TENM3: variants seen among roughly 807,000 people sequenced by gnomAD.
The protein encoded by TENM3 is teneurin transmembrane protein 3, also known as teneurin-3.
In TENM3, 63 loss-of-function variants were observed where a neutral mutation model predicts 255.1. That is an observed-to-expected ratio of 0.25 (90% confidence interval 0.20 to 0.30). The LOEUF (loss-of-function observed/expected upper bound fraction) is 0.30, where lower values mean the gene tolerates loss of function less well. Among genes scored for constraint, TENM3 ranks in the 10% least tolerant of loss-of-function variants. The pLI is 1.00. For missense variants in TENM3, 2,929 were observed against 3,461.1 expected, an observed-to-expected ratio of 0.85 and a Z score of 3.86; for synonymous variants, 1,306 against 1,322.3, an observed-to-expected ratio of 0.99 and a Z score of 0.27.
At chr4:181,655,514 T>C in the TENM3 span, among the ~76,000 whole-genome samples, 2 of 152,174 alleles carry the variant, frequency 1.3e-5, no homozygotes, top group Non-Finnish European at 2.9e-5. Flanking sequence ...CCTGTTCACA[T>C]AGCCTACCAC....
chr4:182,353,046 C>T (rs1038659995), intron 3 of TENM3, among the ~76,000 whole-genome samples: 3 of 152,114 alleles, frequency 2.0e-5, no homozygotes, highest in Non-Finnish European at 2.9e-5. Context: ...ATGTCATGTA[C>T]TTGCGATCAT....
At chr4:182,331,677 T>G (rs1763764887) in intron 2 of TENM3, among the ~76,000 whole-genome samples, 1 of 152,064 alleles carries the variant, frequency 6.6e-6, no homozygotes, top group African/African-American at 2.4e-5. Context: ...ATATATTAGG[T>G]GAATACAAAC....
intron 3 of TENM3, among the ~76,000 whole-genome samples, chr4:182,589,446 ATT>A (rs367629189): frequency 0.042 from 5,466 of 129,350 alleles, 102 homozygotes; most frequent in Middle Eastern, 0.06. Flanking sequence ...TAGGTTTTTA[ATT>A]TTTTTTTTTT....
At chr4:181,955,271 C>G in the TENM3 span, among the ~76,000 whole-genome samples, 1 of 152,084 alleles carries the variant, frequency 6.6e-6, no homozygotes, top group African/African-American at 2.4e-5. Flanking sequence ...GAGGGGAAGG[C>G]AGAATTTAGT....
chr4:181,741,709 T>C, the TENM3 span, among the ~76,000 whole-genome samples: 16 of 152,270 alleles, frequency 1.1e-4, no homozygotes, highest in African/African-American at 3.8e-4. Context: ...TGGGGCCTAG[T>C]CAGCACTAGG....
At chr4:181,691,739 C>T in the TENM3 span, among the ~76,000 whole-genome samples, 3 of 152,212 alleles carry the variant, frequency 2.0e-5, no homozygotes, top group East Asian at 5.8e-4. Flanking sequence ...ATTTTATTTG[C>T]AATTAATAAG....
chr4:181,620,674 AAAAG>A, the TENM3 span, among the ~76,000 whole-genome samples: 25 of 152,102 alleles, frequency 1.6e-4, no homozygotes, highest in African/African-American at 5.3e-4. Context: ...AAAAAAAAAA[AAAAG>A]AAAAAGAGGA....
the TENM3 span, among the ~76,000 whole-genome samples, chr4:181,840,277 A>G: frequency 1.3e-5 from 2 of 152,070 alleles, no homozygotes; most frequent in Admixed American, 6.6e-5. Flanking sequence ...ACATTTTAGT[A>G]TACTTATTTA....
chr4:182,448,245 G>A (rs1312770079), intron 3 of TENM3, among the ~76,000 whole-genome samples: 1 of 152,234 alleles, frequency 6.6e-6, no homozygotes, highest in Non-Finnish European at 1.5e-5. Flanking sequence ...GGCCGAGAAA[G>A]TGGCGGAGAG....
the TENM3 span, among the ~76,000 whole-genome samples, chr4:181,963,116 A>G: frequency 6.6e-6 from 1 of 152,358 alleles, no homozygotes; most frequent in South Asian, 2.1e-4. Context: ...TTCTGAAGAT[A>G]CAGCATATTA....
the TENM3 span, among the ~76,000 whole-genome samples, chr4:181,915,237 C>G: frequency 6.6e-6 from 1 of 152,084 alleles, no homozygotes; most frequent in Admixed American, 6.6e-5. Context: ...GCTCCTTTAC[C>G]AGCTTGGGCT....
At chr4:182,039,192 G>A in the TENM3 span, among the ~76,000 whole-genome samples, 1 of 152,060 alleles carries the variant, frequency 6.6e-6, no homozygotes, top group African/African-American at 2.4e-5. Context: ...TGGCTCAAAC[G>A]CCTCAAGATG....
At chr4:181,887,037 T>C in the TENM3 span, among the ~76,000 whole-genome samples, 1 of 152,152 alleles carries the variant, frequency 6.6e-6, no homozygotes, top group Non-Finnish European at 1.5e-5. Context: ...TTTAAATACT[T>C]TCCTGTTTTA....
intron 3 of TENM3, among the ~76,000 whole-genome samples, chr4:182,457,359 C>T (rs890711708): frequency 6.6e-6 from 1 of 151,982 alleles, no homozygotes; most frequent in African/African-American, 2.4e-5. Flanking sequence ...TAATAGCTGA[C>T]ATTTATTATT....
the TENM3 span, among the ~76,000 whole-genome samples, chr4:181,882,593 G>A: frequency 1.9e-3 from 282 of 152,242 alleles, 2 homozygotes; most frequent in East Asian, 3.7e-3. Flanking sequence ...TTTGACCCTC[G>A]TTAGTTAGAC....
the TENM3 span, among the ~76,000 whole-genome samples, chr4:182,012,325 A>C: frequency 6.6e-6 from 1 of 152,164 alleles, no homozygotes; most frequent in Admixed American, 6.5e-5. Flanking sequence ...TCCATACACA[A>C]ATCTTCACTA....
At chr4:181,618,309 C>T in the TENM3 span, among the ~76,000 whole-genome samples, 11 of 152,140 alleles carry the variant, frequency 7.2e-5, no homozygotes, top group African/African-American at 2.2e-4. Flanking sequence ...TAGCTGTGTC[C>T]GCTCTGCAGC....
At chr4:182,080,719 T>G in the TENM3 span, among the ~76,000 whole-genome samples, 1 of 152,172 alleles carries the variant, frequency 6.6e-6, no homozygotes, top group South Asian at 2.1e-4. Context: ...AGGCCCAGCA[T>G]GGTGGCTCGC....
At chr4:182,731,184 G>T (rs369803969) in intron 16 of TENM3, 45 bp downstream of exon 16, 3 of 1,587,162 alleles carry the variant, frequency 1.9e-6, no homozygotes, top group African/African-American at 2.7e-5. Context: ...AAGATCTTCA[G>T]ATCATGTTTT....
Sources: allele counts gnomAD v4.1 joint callset (sites outside exome capture counted in the v4.1 genomes callset), GRCh38; gene constraint gnomAD v4.1.1; transcripts MANE v1.5; gene names NCBI Gene and HGNC (gene_info 2026-07-23, HGNC 2026-07-21).